The following PCDHA11 variants were observed in gnomAD, a reference collection of about 807,000 sequenced individuals.
PCDHA11 encodes the protein protocadherin alpha-11.
PCDHA11 carries 61 observed loss-of-function variants against 70.3 expected under a neutral mutation model. That is an observed-to-expected ratio of 0.87 (90% CI 0.71 to 1.07). PCDHA11 has a LOEUF of 1.07. PCDHA11 is among the 50% of genes least tolerant of loss of function. PCDHA11 has a pLI of 0.00. For synonymous variants in PCDHA11, 633 were observed against 555.1 expected (o/e 1.14, Z -1.97); for missense variants, 1,324 against 1,237.5 (o/e 1.07, Z -1.05).
At chr5:140,882,041 A>G (rs1374444489) in intron 1 of PCDHA11, 9 of 677,522 alleles carry the variant, frequency 1.3e-5, no homozygotes, top group African/African-American at 1.3e-4. Context: ...ATGAAGACTG[A>G]GTCATACTTA....
rs372420484 is a variant in PCDHA11, at chr5:140,870,981, C to T, written c.1878C>T (p.Tyr626=). 4.5e-5 allele frequency: 72 copies of T among 1,613,472 alleles called. No homozygotes were observed. Among genetic ancestry groups the T allele is most frequent in the Non-Finnish European group, 5.9e-5 (70 of 1,179,896 alleles). The change falls in exon 1 of 4, where the codon TAC becomes TAT. Residue 626 remains tyrosine (Y), a synonymous_variant. Transcript: ENST00000398640. ...GSRIPFRVGL[Y]TGEISTTRAL... is the part of the protein sequence containing the mutation. Reference sequence around the variant, plus strand: ...GCATCCCGTTCCGCGTGGGGCTGTACACGGGCGAGATAAGCACAACGCGTG... The same window carrying T: ...GCATCCCGTTCCGCGTGGGGCTGTATACGGGCGAGATAAGCACAACGCGTG...
At chr5:140,920,841 T>TAAAAA (rs781921146) in intron 1 of PCDHA11, among the ~76,000 whole-genome samples, 2 of 109,230 alleles carry the variant, frequency 1.8e-5, no homozygotes, top group Non-Finnish European at 1.9e-5. Flanking sequence ...AGACCAAATC[T>TAAAAA]AAAAAAAAAA....
At chr5:140,975,120 C>CT (rs140169299) in intron 1 of PCDHA11, among the ~76,000 whole-genome samples, 5 of 152,258 alleles carry the variant, frequency 3.3e-5, no homozygotes, top group African/African-American at 1.2e-4. Flanking sequence ...TGTTTTCCTA[C>CT]TTACTATTGG....
At chr5:140,876,950 C>A in intron 1 of PCDHA11, 1 of 1,613,514 alleles carries the variant, frequency 6.2e-7, no homozygotes, top group Non-Finnish European at 8.5e-7. Context: ...GTGTCCTACT[C>A]GCTGGTGGAG....
At chr5:140,876,042 AT>A in intron 1 of PCDHA11, 1 of 1,613,902 alleles carries the variant, frequency 6.2e-7, no homozygotes, top group Non-Finnish European at 8.5e-7. Flanking sequence ...ATAAAAGTAT[AT>A]TGCCTGAATT....
At chr5:140,952,955 A>G (rs1244776708) in intron 1 of PCDHA11, among the ~76,000 whole-genome samples, 1 of 152,044 alleles carries the variant, frequency 6.6e-6, no homozygotes, top group Non-Finnish European at 1.5e-5. Context: ...AGAAGGGGGA[A>G]GTGATACACA....
chr5:141,007,256 G>A (rs1412168610), intron 3 of PCDHA11, among the ~76,000 whole-genome samples: 1 of 152,034 alleles, frequency 6.6e-6, no homozygotes, highest in Non-Finnish European at 1.5e-5. Flanking sequence ...CAAGTTAAAA[G>A]AAGCAGATAC....
chr5:140,981,948 G>T (rs544785800), intron 2 of PCDHA11, among the ~76,000 whole-genome samples: 26 of 152,230 alleles, frequency 1.7e-4, no homozygotes, highest in African/African-American at 6.0e-4. Context: ...TATAGGGTGG[G>T]TCATCTATGC....
In PCDHA11 at chr5:140,869,371, A is replaced by G. The variant is rs559164668; in HGVS notation, c.268A>G (p.Ile90Val). 6.2e-7 allele frequency: 1 copy of G among 1,614,110 alleles called. No homozygotes were observed. Among genetic ancestry groups the G allele is most frequent in the East Asian group, 2.2e-5 (1 of 44,876 alleles). Residue 90 changes from isoleucine (I) to valine (V), a missense_variant, in exon 1 of 4, where the codon ATC becomes GTC. Coordinates refer to ENST00000398640, the MANE Select transcript of PCDHA11 (RefSeq NM_018902.5). Reference sequence around the variant, plus strand: ...TGGCATTTTGTTTGTGAATTCTCGGATCGACCGCGAGGAGCTGTGCGGGCA... The same window carrying G: ...TGGCATTTTGTTTGTGAATTCTCGGGTCGACCGCGAGGAGCTGTGCGGGCA... ...QNGILFVNSR[I>V]DREELCGQSA...
chr5:140,904,955 G>A (rs1272284537), intron 1 of PCDHA11, among the ~76,000 whole-genome samples: 1 of 152,120 alleles, frequency 6.6e-6, no homozygotes, highest in Non-Finnish European at 1.5e-5. Context: ...TTTGTCTGAT[G>A]CAGAATTTGT....
Position 140,871,048 on chromosome 5 carries a change from C to G in PCDHA11, c.1945C>G (p.Leu649Val), listed in dbSNP as rs1472650820. The G allele has an allele frequency of 6.2e-7, 1 of 1,613,230 alleles. No individual in the cohort carries two copies. Among genetic ancestry groups the G allele is most frequent in the Non-Finnish European group, 8.5e-7 (1 of 1,179,878 alleles). Reference protein sequence around the residue: ...ADSPRHRLLVLVKDHGEPALT... With the variant: ...ADSPRHRLLVVVKDHGEPALT... ...CTCGCCGCGCCACCGACTTCTAGTACTGGTGAAGGATCACGGTGAGCCGGC... is the reference window on the plus strand; with the variant it reads ...CTCGCCGCGCCACCGACTTCTAGTAGTGGTGAAGGATCACGGTGAGCCGGC... Residue 649 changes from leucine to valine, a missense_variant, in exon 1 of 4, where the codon CTG becomes GTG. Physicochemically the swap from Leu to Val is conservative, Grantham distance 32 (BLOSUM62 1). Transcript: ENST00000398640.
intron 3 of PCDHA11, among the ~76,000 whole-genome samples, chr5:141,005,681 G>A (rs970656529): frequency 2.7e-5 from 3 of 112,616 alleles, no homozygotes; most frequent in African/African-American, 3.6e-5. Flanking sequence ...CAGCCTGGGC[G>A]ACAGAGCGAA....
chr5:140,885,611 A>G (rs1422835119), intron 1 of PCDHA11, among the ~76,000 whole-genome samples: 5 of 152,216 alleles, frequency 3.3e-5, no homozygotes, highest in Non-Finnish European at 4.4e-5. Flanking sequence ...AATTTTAATT[A>G]TAAAATATGT....
chr5:140,946,765 T>C (rs1255265012), intron 1 of PCDHA11, among the ~76,000 whole-genome samples: 2 of 151,428 alleles, frequency 1.3e-5, no homozygotes, highest in African/African-American at 4.9e-5. Flanking sequence ...ATCTCATTCA[T>C]GTGGAATGTA....
intron 1 of PCDHA11, among the ~76,000 whole-genome samples, chr5:140,976,475 C>T (rs1160749030): frequency 1.3e-5 from 2 of 151,996 alleles, no homozygotes; most frequent in Non-Finnish European, 1.5e-5. Flanking sequence ...TGCTTGAATC[C>T]GGGAGGCAGA....
intron 1 of PCDHA11, among the ~76,000 whole-genome samples, chr5:140,896,652 C>T (rs1393897195): frequency 2.6e-5 from 4 of 152,018 alleles, no homozygotes; most frequent in African/African-American, 9.7e-5. Flanking sequence ...GCTAGTATTA[C>T]AGGCATGAGT....
intron 3 of PCDHA11, among the ~76,000 whole-genome samples, chr5:140,998,571 T>G (rs2097822082): frequency 1.0e-5 from 1 of 96,286 alleles, no homozygotes; most frequent in African/African-American, 3.7e-5. Flanking sequence ...GTAAATAAGT[T>G]TTTTTTTTTT....
chr5:140,871,166 C>G lies in PCDHA11; in HGVS notation c.2063C>G (p.Pro688Arg). The G allele has an allele frequency of 1.2e-6, 2 of 1,613,486 alleles. No homozygotes were observed. Among genetic ancestry groups the G allele is most frequent in the Non-Finnish European group, 1.7e-6 (2 of 1,179,936 alleles). ...SSRTLAGAAS[P>R]EAALVDVNVY... is the part of the protein sequence containing the mutation. ...CGGACTTTGGCGGGCGCCGCGAGCC[C>G]AGAGGCTGCGCTGGTGGATGTCAAC... Residue 688 changes from proline (P) to arginine (R), a missense_variant, in exon 1 of 4, where the codon CCA becomes CGA. Transcript: ENST00000398640.
rs1284021507 is a variant in PCDHA11, at chr5:140,883,838, G to C, written c.2391+12344G>C. The C allele has an allele frequency of 6.2e-7, 1 of 1,612,620 alleles. No individual in the cohort carries two copies. The highest frequency in any genetic ancestry group is 8.5e-7 in the Non-Finnish European group (1 of 1,179,840). On this transcript the variant is annotated intron_variant, in intron 1 of 3. Coordinates refer to ENST00000398640, the MANE Select transcript of PCDHA11 (RefSeq NM_018902.5). ...CAAGGTGTACGCGCTGCAGCCGTTG[G>C]ACCACGAGGAGCTGGAGCTGTTGCA...
Sources: allele counts gnomAD v4.1 joint callset (sites outside exome capture counted in the v4.1 genomes callset), GRCh38; gene constraint gnomAD v4.1.1; transcripts MANE v1.5; gene names NCBI Gene and HGNC (gene_info 2026-07-23, HGNC 2026-07-21).